BLK: variants seen among roughly 807,000 people sequenced by gnomAD.
BLK encodes the protein BLK proto-oncogene, Src family tyrosine kinase.
BLK carries 64 observed loss-of-function variants against 61.8 expected under a neutral mutation model. The observed-to-expected ratio is 1.03, with a 90% CI of 0.85 to 1.27. BLK has a LOEUF of 1.27. Ranked by LOEUF, BLK falls within the 50% of genes most tolerant of loss-of-function variation. The pLI, the probability that BLK is intolerant of heterozygous loss-of-function variation, is 0.00. For missense variants in BLK, 853 were observed against 660.5 expected, an observed-to-expected ratio of 1.29 and a Z score of -3.19; for synonymous variants, 351 against 272.0, an observed-to-expected ratio of 1.29 and a Z score of -2.86.
In BLK at chr8:11,543,102, C is replaced by A. The variant is rs574850387; in HGVS notation, c.-1-122C>A. The A allele has an allele frequency of 2.7e-5, 41 of 1,500,032 alleles. 1 individual carries two copies. The South Asian group carries it at 4.6e-4, about 17-fold the overall frequency. 92.9% of individuals were successfully genotyped at this position (1,500,032 alleles called of 1,614,324 possible). On this transcript the variant is annotated intron_variant, in intron 1 of 12. Coordinates refer to ENST00000259089, the MANE Select transcript of BLK (RefSeq NM_001715.3). ...CCACGTTCTGACTTTGAGGTCTTTG[C>A]TGCACCCACTTCCACCCCACCTTTC...
chr8:11,521,532 A>C (rs2618448), intron 1 of BLK, among the ~76,000 whole-genome samples: 24,006 of 152,198 alleles, frequency 0.16, 1,997 homozygotes, highest in Non-Finnish European at 0.18. Flanking sequence ...CTTAAGTGGT[A>C]CGCCCACCTT....
intron 2 of BLK, 47 bp downstream of exon 2, chr8:11,543,394 T>C (rs960714778): frequency 2.5e-6 from 4 of 1,606,730 alleles, no homozygotes; most frequent in East Asian, 2.2e-5. Flanking sequence ...TTACTTCTCC[T>C]ATGCCTTAAT....
intron 1 of BLK, among the ~76,000 whole-genome samples, chr8:11,523,678 C>G (rs2618445): frequency 0.66 from 100,275 of 152,070 alleles, 33,571 homozygotes; most frequent in East Asian, 0.97. Context: ...ATATCATTGA[C>G]AAAATGATAA....
At chr8:11,506,902 G>T (rs778537769) in intron 1 of BLK, among the ~76,000 whole-genome samples, 1 of 152,192 alleles carries the variant, frequency 6.6e-6, no homozygotes, top group African/African-American at 2.4e-5. Context: ...TCTCAGTCAC[G>T]GGCTGAAAGA....
chr8:11,548,910 C>A, intron 4 of BLK, 114 bp from the exon 5 acceptor site: 2 of 941,210 alleles, frequency 2.1e-6, no homozygotes, highest in Non-Finnish European at 1.7e-6. Context: ...TACTCTCTAC[C>A]CCTGCGGATT....
chr8:11,552,976 A>G (rs958634798), intron 6 of BLK: 3 of 156,486 alleles, frequency 1.9e-5, no homozygotes, highest in African/African-American at 7.2e-5. Flanking sequence ...ATGTGTGCAC[A>G]CATACACATG....
chr8:11,509,823 T>C (rs996325615), intron 1 of BLK: 2 of 152,206 alleles, frequency 1.3e-5, no homozygotes, highest in Non-Finnish European at 2.9e-5. Flanking sequence ...ACCTAACACT[T>C]TTACCTAAGA....
chr8:11,546,767 G>A (rs1275179078), intron 3 of BLK, among the ~76,000 whole-genome samples: 18 of 152,202 alleles, frequency 1.2e-4, no homozygotes. Context: ...CTAGTGAGGG[G>A]GTTTCACCAT....
At chr8:11,562,865 A>C in intron 11 of BLK, 114 bp from the exon 12 acceptor site, 1 of 1,475,890 alleles carries the variant, frequency 6.8e-7, no homozygotes, top group Non-Finnish European at 9.3e-7. Context: ...CCGCCCTGTG[A>C]GGCCCCGCAG....
chr8:11,543,164 G>T, intron 1 of BLK, 60 bp from the exon 2 acceptor site: 1 of 1,610,794 alleles, frequency 6.2e-7, no homozygotes, highest in African/African-American at 1.3e-5. Flanking sequence ...GATCCCCTCT[G>T]TGCAGAGGAT....
At chr8:11,563,549 G>T (rs981951170) in intron 12 of BLK, among the ~76,000 whole-genome samples, 1 of 152,142 alleles carries the variant, frequency 6.6e-6, no homozygotes, top group Non-Finnish European at 1.5e-5. Flanking sequence ...GGCAGGCTCC[G>T]GGTCACCTGC....
In BLK at chr8:11,556,837, G is replaced by A. The variant is rs1165072803; in HGVS notation, c.952G>A (p.Gly318Arg). 6.2e-6 allele frequency: 10 copies of A among 1,613,770 alleles called. No individual in the cohort carries two copies. In the South Asian group the frequency reaches 8.8e-5, roughly 14 times the overall value. Residue 318 changes from glycine to arginine, a missense_variant and splice_region_variant, in exon 9 of 13, where the codon GGA (glycine) becomes AGA (arginine). Coordinates refer to ENST00000259089, the MANE Select transcript of BLK (RefSeq NM_001715.3). ...IYIVTEYMAR[G>R]CLLDFLKTDE... ...CATTGTCACCGAGTACATGGCCAGAGGTGGTGCCCCCCGCAGAGCCGCATC... is the reference window on the plus strand; with the variant it reads ...CATTGTCACCGAGTACATGGCCAGAAGTGGTGCCCCCCGCAGAGCCGCATC...
At chr8:11,526,873 A>T (rs879758230) in intron 1 of BLK, among the ~76,000 whole-genome samples, 3 of 152,244 alleles carry the variant, frequency 2.0e-5, no homozygotes, top group Admixed American at 1.3e-4. Context: ...AAGTGGGATA[A>T]TTGAATACAT....
At chr8:11,537,471 C>T (rs897658484) in intron 1 of BLK, among the ~76,000 whole-genome samples, 4 of 152,150 alleles carry the variant, frequency 2.6e-5, no homozygotes, top group African/African-American at 9.7e-5. Context: ...GCAAGGCTTC[C>T]AGATACAAAA....
intron 1 of BLK, among the ~76,000 whole-genome samples, chr8:11,510,513 A>G (rs1022643780): frequency 2.6e-5 from 4 of 152,134 alleles, no homozygotes; most frequent in African/African-American, 9.7e-5. Flanking sequence ...AAAATTTGGC[A>G]TGTTTGTGAT....
At chr8:11,559,857 C>G (rs1025579149) in intron 10 of BLK, 2 of 456,228 alleles carry the variant, frequency 4.4e-6, no homozygotes, top group African/African-American at 2.0e-5. Context: ...GGACAAGAAA[C>G]TGCCAGAGAG....
intron 5 of BLK, 104 bp downstream of exon 5, chr8:11,549,226 T>C: frequency 9.8e-7 from 1 of 1,022,390 alleles, no homozygotes; most frequent in Non-Finnish European, 1.5e-6. Context: ...CCAGGGAGCC[T>C]GCAGGCACTA....
chr8:11,546,627 G>A (rs1271966564), intron 3 of BLK, among the ~76,000 whole-genome samples: 1 of 152,146 alleles, frequency 6.6e-6, no homozygotes, highest in Non-Finnish European at 1.5e-5. Context: ...CCAGGCTGCA[G>A]TGCAGTGACC....
intron 1 of BLK, among the ~76,000 whole-genome samples, chr8:11,541,464 G>C: frequency 6.6e-6 from 1 of 151,168 alleles, no homozygotes; most frequent in East Asian, 1.9e-4. Context: ...CTAAAATTCA[G>C]TAGCCAGCCG....
Sources: gnomAD v4.1 joint callset for allele counts (sites outside exome capture counted in the v4.1 genomes callset) on GRCh38, gnomAD v4.1.1 for gene constraint, MANE v1.5 for transcripts, NCBI Gene and HGNC (gene_info 2026-07-23, HGNC 2026-07-21) for gene names.